The following SPC24 variants were observed in gnomAD, a reference collection of about 807,000 sequenced individuals.
SPC24 encodes kinetochore protein Spc24.
Under a neutral mutation model 27.6 loss-of-function variants are expected in SPC24, and 31 were observed. That is an observed-to-expected ratio of 1.12 (90% confidence interval 0.84 to 1.52). SPC24 has a LOEUF of 1.52. Among genes scored for constraint, SPC24 ranks in the 40% most tolerant of loss-of-function variants. The probability of loss-of-function intolerance (pLI) is 0.00; values close to 1 mark genes in which losing one functional copy is unlikely to be tolerated. For synonymous variants in SPC24, 105 were observed against 105.8 expected (o/e 0.99, Z 0.05); for missense variants, 284 against 252.5 (o/e 1.12, Z -0.84).
intron 1 of SPC24, among the ~76,000 whole-genome samples, chr19:11,152,146 C>T (rs1347781409): frequency 2.6e-5 from 4 of 151,674 alleles, no homozygotes; most frequent in African/African-American, 9.7e-5. Context: ...GTCTTGAACT[C>T]CTGACCTCAG....
chr19:11,155,329 G>T (rs536354665), intron 1 of SPC24, among the ~76,000 whole-genome samples: 1 of 152,124 alleles, frequency 6.6e-6, no homozygotes, highest in Admixed American at 6.6e-5. Context: ...CTGAGCCCCA[G>T]TTCAAACCCT....
At position 11,147,110 on chromosome 19, in the gene SPC24, C is replaced by A; in HGVS notation, c.*73G>T. 3 of 883,394 alleles carry A rather than the reference C, an allele frequency of 3.4e-6. No homozygotes were observed. The highest frequency in any genetic ancestry group is 1.7e-5 in the South Asian group (1 of 60,184). The allele number at this position is 883,394 out of a possible 1,614,324, so 54.7% of individuals were successfully genotyped here. A position where few individuals can be genotyped will look rare whatever the true frequency, so the allele number is the denominator to read the frequency against. ...AAAAAAAAAAAAAGATCTATGTCCCCACATTTCATTTGAAATGGATCTGAC... is the reference window on the plus strand; with the variant it reads ...AAAAAAAAAAAAAGATCTATGTCCCAACATTTCATTTGAAATGGATCTGAC... On this transcript the variant is annotated 3_prime_UTR_variant, in exon 5 of 5. Coordinates refer to ENST00000592540, the MANE Select transcript of SPC24 (RefSeq NM_182513.4).
rs1197742710 is a variant in SPC24, at chr19:11,145,724, C to T, written c.*1459G>A. 6.6e-6 allele frequency: 1 copy of T among 152,236 alleles called. No homozygotes were observed. The highest frequency in any genetic ancestry group is 1.9e-4 in the East Asian group (1 of 5,190). 9.4% of individuals were successfully genotyped at this position (152,236 alleles called of 1,614,324 possible). ...GTATGGCTGCCAGGGCTCCAGCCAT[C>T]ACACCCACATTCCAGGAAATAGGAA... On this transcript the variant is annotated 3_prime_UTR_variant, in exon 5 of 5. Transcript: ENST00000592540.
At chr19:11,149,295 A>G in intron 1 of SPC24, 57 bp from the exon 2 acceptor site, 4 of 1,394,310 alleles carry the variant, frequency 2.9e-6, no homozygotes, top group Non-Finnish European at 3.8e-6. Context: ...AGGAGAGCAG[A>G]GAGAAGGTGG....
intron 1 of SPC24, among the ~76,000 whole-genome samples, chr19:11,150,773 CAG>C (rs1030472058): frequency 1.3e-5 from 2 of 152,194 alleles, no homozygotes; most frequent in Admixed American, 1.3e-4. Context: ...GCCTGGGTGA[CAG>C]AGAGAGACCC....
At chr19:11,152,027 TCTC>T (rs2077876529) in intron 1 of SPC24, among the ~76,000 whole-genome samples, 1 of 151,652 alleles carries the variant, frequency 6.6e-6, no homozygotes, top group Admixed American at 6.6e-5. Flanking sequence ...TTCAAGCTAT[TCTC>T]CTGCCTCAGA....
chr19:11,146,451 A>G lies in SPC24; in HGVS notation c.*732T>C. On this transcript the variant is annotated 3_prime_UTR_variant, in exon 5 of 5. Coordinates refer to ENST00000592540, the MANE Select transcript of SPC24 (RefSeq NM_182513.4). ...AGGAGCTGAGGCCGAAAATCAGGAG[A>G]AAAAGAAATCCAGTAAAAAAAAAAA... is the stretch of plus-strand genomic sequence containing the variant. 8.3e-6 allele frequency: 1 copy of G among 120,078 alleles called. No homozygotes were observed. Among genetic ancestry groups the G allele is most frequent in the Non-Finnish European group, 1.9e-5 (1 of 53,394 alleles). 7.4% of individuals were successfully genotyped at this position (120,078 alleles called of 1,614,324 possible). A position where few individuals can be genotyped will look rare whatever the true frequency, so the allele number is the denominator to read the frequency against.
rs538557641 is a variant in SPC24, at chr19:11,153,138, C to CA, written c.160+2478dup. Among the ~76,000 whole-genome samples the CA allele has an allele frequency of 2.1e-3, 316 of 152,078 alleles. 2 individuals carry two copies. The highest frequency in any genetic ancestry group is 7.5e-3 in the African/African-American group (311 of 41,500). On this transcript the variant is annotated intron_variant, in intron 1 of 4. Transcript: ENST00000592540. Reference sequence around the variant, plus strand: ...CATTTGATCTGCTTCTGGCTGAATACAAAAAAGAACTGAAAATAGAGTCTT... The same window carrying CA: ...CATTTGATCTGCTTCTGGCTGAATACAAAAAAAGAACTGAAAATAGAGTCTT...
At position 11,146,138 on chromosome 19, in the gene SPC24, T is replaced by C. The variant is rs2077821416; in HGVS notation, c.*1045A>G. ...CTCTGGTGTGGCTCCTGTCGCAATC[T>C]GGACCTCTCTCCAGTTCTAGAGTGT... On this transcript the variant is annotated 3_prime_UTR_variant, in exon 5 of 5. Transcript: ENST00000592540. 6.6e-6 allele frequency: 1 copy of C among 152,148 alleles called. No individual in the cohort carries two copies. Among genetic ancestry groups the C allele is most frequent in the African/African-American group, 2.4e-5 (1 of 41,442 alleles). The allele number at this position is 152,148 out of a possible 1,614,324, so 9.4% of individuals were successfully genotyped here. A position where few individuals can be genotyped will look rare whatever the true frequency, so the allele number is the denominator to read the frequency against.
rs1401053117 is a variant in SPC24, at chr19:11,147,130, T to A, written c.*53A>T. The A allele has an allele frequency of 9.2e-6, 9 of 982,550 alleles. No homozygotes were observed. The highest frequency in any genetic ancestry group is 2.2e-4 in the Middle Eastern group (1 of 4,588). 60.9% of individuals were successfully genotyped at this position (982,550 alleles called of 1,614,324 possible). On this transcript the variant is annotated 3_prime_UTR_variant, in exon 5 of 5. Transcript: ENST00000592540. Reference sequence around the variant, plus strand: ...GTCCCCACATTTCATTTGAAATGGATCTGACCACGGCAGATGCCCGCTGGG... The same window carrying A: ...GTCCCCACATTTCATTTGAAATGGAACTGACCACGGCAGATGCCCGCTGGG...
chr19:11,149,732 C>T (rs1419953664), intron 1 of SPC24, among the ~76,000 whole-genome samples: 14 of 145,024 alleles, frequency 9.7e-5, no homozygotes, highest in Non-Finnish European at 1.5e-4. Context: ...TTTTTTGAGA[C>T]GGAGTTTTGC....
chr19:11,147,889 A>C lies in SPC24; in HGVS notation c.416T>G (p.Val139Gly). The C allele has an allele frequency of 6.5e-7, 1 of 1,547,242 alleles. No homozygotes were observed. Among genetic ancestry groups the C allele is most frequent in the Non-Finnish European group, 8.8e-7 (1 of 1,132,344 alleles). The change falls in exon 4 of 5, where the codon GTG (valine) becomes GGG (glycine). Residue 139 changes from valine to glycine, a missense_variant. Coordinates refer to ENST00000592540, the MANE Select transcript of SPC24 (RefSeq NM_182513.4). ...TTVTIPSAVY[V>G]AQLYHQVSKI... Reference sequence around the variant, plus strand: ...ACTAACTTGGTGGTAAAGTTGAGCCACGTACCTGTACAGGAAGACAAAAAA... The same window carrying C: ...ACTAACTTGGTGGTAAAGTTGAGCCCCGTACCTGTACAGGAAGACAAAAAA...
At chr19:11,154,366 C>T in intron 1 of SPC24, among the ~76,000 whole-genome samples, 1 of 152,182 alleles carries the variant, frequency 6.6e-6, no homozygotes. Context: ...TGGTGAAACC[C>T]CATCTCTACT....
chr19:11,149,578 C>A (rs951206557), intron 1 of SPC24, among the ~76,000 whole-genome samples: 1 of 152,000 alleles, frequency 6.6e-6, no homozygotes, highest in African/African-American at 2.4e-5. Flanking sequence ...GATCCCATCT[C>A]TACAAAACTA....
rs973787342 is a variant in SPC24 at position 11,145,591 on chromosome 19, C to T, written c.*1592G>A. 2.0e-5 allele frequency: 3 copies of T among 152,182 alleles called. No individual in the cohort carries two copies. The highest frequency in any genetic ancestry group is 2.9e-5 in the Non-Finnish European group (2 of 68,064). 9.4% of individuals were successfully genotyped at this position (152,182 alleles called of 1,614,324 possible). On this transcript the variant is annotated 3_prime_UTR_variant, in exon 5 of 5. Transcript: ENST00000592540. Reference sequence around the variant, plus strand: ...GGTAGAAGTTGAGATTGGTTCTCCCCTTCTCTCTCCCATTTAAATAAGTTT... The same window carrying T: ...GGTAGAAGTTGAGATTGGTTCTCCCTTTCTCTCTCCCATTTAAATAAGTTT...
At position 11,149,229 on chromosome 19, in the gene SPC24, G is replaced by A; in HGVS notation, c.170C>T (p.Thr57Ile). The part of the protein sequence containing the change: ...GAEKQLREIL[T>I]MEKEVAQSLL... Reference sequence around the variant, plus strand: ...GCTCTGGGCCACTTCCTTCTCCATGGTGAGGATCTCTGCAGGGTGGAGAGA... The same window carrying A: ...GCTCTGGGCCACTTCCTTCTCCATGATGAGGATCTCTGCAGGGTGGAGAGA... The change falls in exon 2 of 5, where the codon ACC becomes ATC. Residue 57 changes from threonine to isoleucine, a missense_variant. Thr to Ile is a moderately conservative substitution (Grantham distance 89). Transcript: ENST00000592540. 1.9e-6 allele frequency: 3 copies of A among 1,546,322 alleles called. No homozygotes were observed.
chr19:11,155,620 G>T lies in SPC24; in HGVS notation c.157C>A (p.Arg53=). Reference sequence around the variant, plus strand: ...GCGACCACGCTCCGACCCTCACCTCGCAGCTGCTTCTCGGCACCGTCTTGC... The same window carrying T: ...GCGACCACGCTCCGACCCTCACCTCTCAGCTGCTTCTCGGCACCGTCTTGC... ...ETQDGAEKQL[R]EILTMEKEVA... is the part of the protein sequence containing the mutation. Residue 53 remains arginine, a synonymous_variant, in exon 1 of 5, where the codon CGA becomes AGA. Coordinates refer to ENST00000592540, the MANE Select transcript of SPC24 (RefSeq NM_182513.4). 1.3e-6 allele frequency: 2 copies of T among 1,542,940 alleles called. No individual in the cohort carries two copies. The highest frequency in any genetic ancestry group is 1.7e-6 in the Non-Finnish European group (2 of 1,150,122).
chr19:11,147,947 C>T (rs903699324), intron 3 of SPC24, 53 bp from the exon 4 acceptor site: 7 of 1,586,154 alleles, frequency 4.4e-6, no homozygotes, highest in Admixed American at 3.5e-5. Flanking sequence ...TACCCAGCAC[C>T]AACTTCAACC....
At chr19:11,154,319 A>T (rs568007976) in intron 1 of SPC24, among the ~76,000 whole-genome samples, 1 of 152,202 alleles carries the variant, frequency 6.6e-6, no homozygotes, top group South Asian at 2.1e-4. Flanking sequence ...GTGGGCGATC[A>T]CTTGAGGCTG....
Sources: gnomAD v4.1 joint callset for allele counts (sites outside exome capture counted in the v4.1 genomes callset) on GRCh38, gnomAD v4.1.1 for gene constraint, MANE v1.5 for transcripts, NCBI Gene and HGNC (gene_info 2026-07-23, HGNC 2026-07-21) for gene names.